NLGN1: variants seen among roughly 807,000 people sequenced by gnomAD.
NLGN1 encodes neuroligin-1.
In NLGN1, 12 loss-of-function variants were observed where a neutral mutation model predicts 65.5. The ratio of observed to expected loss-of-function variants is 0.18; its 90% CI spans 0.12 to 0.30. The LOEUF (loss-of-function observed/expected upper bound fraction) is 0.30. Among genes scored for constraint, NLGN1 ranks in the 10% least tolerant of loss-of-function variants. The pLI, the probability that NLGN1 is intolerant of heterozygous loss-of-function variation, is 1.00. For synonymous variants in NLGN1, 350 were observed against 359.5 expected, an observed-to-expected ratio of 0.97 and a Z score of 0.30; for missense variants, 750 against 1,007.1, an observed-to-expected ratio of 0.74 and a Z score of 3.46.
At chr3:174,125,282 G>A (rs1351351652) in intron 4 of NLGN1, among the ~76,000 whole-genome samples, 9 of 152,064 alleles carry the variant, frequency 5.9e-5, no homozygotes, top group Non-Finnish European at 1.0e-4. Flanking sequence ...TAGCCTATAG[G>A]CCATATTGGC....
chr3:173,803,224 A>T (rs1339081273), intron 3 of NLGN1, among the ~76,000 whole-genome samples: 3 of 152,178 alleles, frequency 2.0e-5, no homozygotes, highest in African/African-American at 7.2e-5. Flanking sequence ...AACATCCCAG[A>T]TTTCTACCAA....
intron 2 of NLGN1, among the ~76,000 whole-genome samples, chr3:173,603,128 A>G (rs1750814046): frequency 1.3e-5 from 2 of 152,086 alleles, no homozygotes; most frequent in Non-Finnish European, 2.9e-5. Flanking sequence ...CCAGACCAAC[A>G]CTTCTTTAGC....
intron 4 of NLGN1, among the ~76,000 whole-genome samples, chr3:174,138,137 T>C (rs1721556354): frequency 6.6e-6 from 1 of 152,188 alleles, no homozygotes. Flanking sequence ...AAACTTGGCA[T>C]TGGGGTAAAT....
chr3:173,912,899 C>T (rs1739916151), intron 4 of NLGN1, among the ~76,000 whole-genome samples: 1 of 152,118 alleles, frequency 6.6e-6, no homozygotes, highest in Admixed American at 6.6e-5. Context: ...ATATTGATCC[C>T]TCCTTTAAGG....
chr3:174,049,400 A>G (rs1450786339), intron 4 of NLGN1, among the ~76,000 whole-genome samples: 1 of 152,074 alleles, frequency 6.6e-6, no homozygotes, highest in Non-Finnish European at 1.5e-5. Flanking sequence ...TATAGATAGG[A>G]CAAAGGAGAA....
At chr3:173,538,168 A>T (rs1737768555) in intron 2 of NLGN1, among the ~76,000 whole-genome samples, 1 of 152,172 alleles carries the variant, frequency 6.6e-6, no homozygotes, top group African/African-American at 2.4e-5. Context: ...ATCCTGGGAG[A>T]AACAGCACCA....
At chr3:173,963,210 T>C (rs1394422645) in intron 4 of NLGN1, among the ~76,000 whole-genome samples, 1 of 152,072 alleles carries the variant, frequency 6.6e-6, no homozygotes, top group Non-Finnish European at 1.5e-5. Context: ...TGGTTTTCAA[T>C]AACAAAGCAA....
intron 4 of NLGN1, among the ~76,000 whole-genome samples, chr3:174,022,609 A>G (rs9821430): frequency 0.011 from 1,643 of 152,336 alleles, 38 homozygotes; most frequent in African/African-American, 0.037. Context: ...AAAGTGTTCA[A>G]CATCACTAAT....
chr3:173,772,898 C>G (rs919108142), intron 3 of NLGN1, among the ~76,000 whole-genome samples: 1 of 152,160 alleles, frequency 6.6e-6, no homozygotes, highest in African/African-American at 2.4e-5. Flanking sequence ...TATAATTCCA[C>G]CTCGCTTTTG....
intron 4 of NLGN1, among the ~76,000 whole-genome samples, chr3:174,067,086 A>G (rs888446064): frequency 3.9e-5 from 6 of 152,104 alleles, no homozygotes; most frequent in African/African-American, 1.4e-4. Context: ...AGTTACCTTA[A>G]ATAACTCCTT....
At position 174,116,367 on chromosome 3, in the gene NLGN1, T is replaced by C. The variant is rs1412684451; in HGVS notation, c.647-158948T>C. ...TTTTTTTTTTTTTTTTGAGACAGTCTCGCTCTATAGCCCAGGCTGTAATGC... is the reference window on the plus strand; with the variant it reads ...TTTTTTTTTTTTTTTTGAGACAGTCCCGCTCTATAGCCCAGGCTGTAATGC... On this transcript the variant is annotated intron_variant, in intron 4 of 6. Coordinates refer to ENST00000457714, the Ensembl canonical transcript of NLGN1. Among the ~76,000 whole-genome samples the C allele has an allele frequency of 1.3e-4, 17 of 135,314 alleles. No homozygotes were observed. In the East Asian group the frequency reaches 4.0e-3, roughly 32 times the overall value. 88.8% of individuals were successfully genotyped at this position (135,314 alleles called of 152,430 possible). A position where few individuals can be genotyped will look rare whatever the true frequency, so the allele number is the denominator to read the frequency against.
chr3:173,440,511 C>T (rs1266925754), intron 2 of NLGN1, among the ~76,000 whole-genome samples: 2 of 152,078 alleles, frequency 1.3e-5, no homozygotes, highest in African/African-American at 4.8e-5. Flanking sequence ...TTGAAATTCC[C>T]TCTTAATCTA....
At chr3:173,748,839 T>C (rs1042092695) in intron 3 of NLGN1, among the ~76,000 whole-genome samples, 2 of 152,226 alleles carry the variant, frequency 1.3e-5, no homozygotes, top group Non-Finnish European at 2.9e-5. Flanking sequence ...TGCTTATTTA[T>C]TTGAAGAAGT....
At chr3:174,257,623 G>A (rs1350179953) in intron 4 of NLGN1, among the ~76,000 whole-genome samples, 1 of 151,926 alleles carries the variant, frequency 6.6e-6, no homozygotes, top group Non-Finnish European at 1.5e-5. Context: ...GATGGATCTG[G>A]GAGCCATTAC....
chr3:173,784,105 G>T (rs922763230), intron 3 of NLGN1, among the ~76,000 whole-genome samples: 18 of 152,142 alleles, frequency 1.2e-4, no homozygotes, highest in African/African-American at 4.1e-4. Context: ...TATGTGCCAG[G>T]TAATGTACTC....
intron 4 of NLGN1, among the ~76,000 whole-genome samples, chr3:174,125,426 C>T (rs1027875320): frequency 1.3e-5 from 2 of 151,956 alleles, no homozygotes; most frequent in African/African-American, 4.8e-5. Context: ...AAAATGATCC[C>T]TAGATGTGTG....
intron 3 of NLGN1, among the ~76,000 whole-genome samples, chr3:173,657,152 C>T (rs181942998): frequency 6.6e-6 from 1 of 152,048 alleles, no homozygotes; most frequent in Non-Finnish European, 1.5e-5. Context: ...GTGTGTTTAA[C>T]TCCCGAATTT....
Position 174,279,038 on chromosome 3 carries a change from A to C in NLGN1, c.1037A>C (p.Asp346Ala). ...CCTTACAAAGAACTTGTTGACCAAG[A>C]TATTCAACCAGCTCGATACCACATA... Residue 346 changes from aspartate to alanine, a missense_variant, in exon 6 of 7, where the codon GAT (aspartate) becomes GCT (alanine). Coordinates refer to ENST00000457714, the Ensembl canonical transcript of NLGN1. The surrounding 1 kb of genome is among the most constrained non-coding windows in gnomAD (Gnocchi z 4.7). The C allele has an allele frequency of 6.2e-7, 1 of 1,608,750 alleles. No individual in the cohort carries two copies. Among genetic ancestry groups the C allele is most frequent in the Non-Finnish European group, 8.5e-7 (1 of 1,177,698 alleles).
chr3:174,061,016 G>A (rs1374159998), intron 4 of NLGN1, among the ~76,000 whole-genome samples: 1 of 151,988 alleles, frequency 6.6e-6, no homozygotes, highest in African/African-American at 2.4e-5. Context: ...GAATTCTAAG[G>A]TATGATTTCT....
Sources: allele counts gnomAD v4.1 joint callset (sites outside exome capture counted in the v4.1 genomes callset), GRCh38; gene constraint gnomAD v4.1.1; non-coding constraint Gnocchi (gnomAD v3.1); transcripts MANE v1.5; gene names NCBI Gene and HGNC (gene_info 2026-07-23, HGNC 2026-07-21).